ANKRD33B: variants seen among roughly 807,000 people sequenced by gnomAD.
ANKRD33B encodes ankyrin repeat domain-containing protein 33B.
ANKRD33B carries 6 observed loss-of-function variants against 21.5 expected under a neutral mutation model. The observed-to-expected ratio is 0.28, with a 90% CI of 0.15 to 0.55. ANKRD33B has a LOEUF of 0.55. ANKRD33B is among the 20% of genes least tolerant of loss of function. The pLI, the probability that ANKRD33B is intolerant of heterozygous loss-of-function variation, is 0.94. For synonymous variants in ANKRD33B, 347 were observed against 342.4 expected (o/e 1.01, Z -0.15); for missense variants, 698 against 747.2 (o/e 0.93, Z 0.77).
At chr5:10,624,886 G>C in intron 2 of ANKRD33B, 2 of 445,238 alleles carry the variant, frequency 4.5e-6, no homozygotes, top group South Asian at 3.2e-5. Context: ...CTTTGAATAG[G>C]CCTGGGGTGG....
chr5:10,657,319 A>G lies in ANKRD33B; in HGVS notation c.*7206A>G, dbSNP rs1362046583. ...GGGTGTCCAAGGACCTGTGTTTTTA[A>G]CAAAGATGACTTTATGACCGTTCTA... On this transcript the variant is annotated 3_prime_UTR_variant, in exon 4 of 4. Transcript: ENST00000296657. The G allele has an allele frequency of 1.3e-5, 2 of 152,402 alleles. No homozygotes were observed. The allele number at this position is 152,402 out of a possible 1,614,324, so 9.4% of individuals were successfully genotyped here. A position where few individuals can be genotyped will look rare whatever the true frequency, so the allele number is the denominator to read the frequency against.
chr5:10,570,065 C>CG (rs1560958820), intron 1 of ANKRD33B, among the ~76,000 whole-genome samples: 1 of 151,876 alleles, frequency 6.6e-6, no homozygotes, highest in East Asian at 1.9e-4. Context: ...TTAGTAGAGA[C>CG]GGGGTTGCGC....
rs142868191 is a variant in ANKRD33B at position 10,638,107 on chromosome 5, C to A, written c.576C>A (p.Thr192=). ...AAAGGAGGAACGCGTTCGGGTTCAC[C>A]GCCCTGATGAAAGCCGCCATGCAGG... is the stretch of plus-strand genomic sequence containing the variant. ...DLERRNAFGF[T]ALMKAAMQGR... is the part of the protein sequence containing the mutation. The change falls in exon 3 of 4, where the codon ACC becomes ACA. Residue 192 remains threonine (T), a synonymous_variant. Transcript: ENST00000296657. 1,352 of 1,537,498 alleles carry A rather than the reference C, an allele frequency of 8.8e-4. 8 individuals are homozygous for A. The African/African-American group carries it at 0.016, about 18-fold the overall frequency.
rs1443371041 is a variant in ANKRD33B at position 10,587,548 on chromosome 5, A to AT, written c.366+22728dup. Among the ~76,000 whole-genome samples the AT allele has an allele frequency of 4.8e-3, 685 of 143,356 alleles. 5 individuals carry two copies. The highest frequency in any genetic ancestry group is 0.015 in the Middle Eastern group (4 of 274). 94.0% of individuals were successfully genotyped at this position (143,356 alleles called of 152,430 possible). On this transcript the variant is annotated intron_variant, in intron 1 of 3. Transcript: ENST00000296657. ...GGTATTTTATTATTCTTCTGATACA[A>AT]TTTTTTTTTTTTTGGTGTGGAAAAT...
chr5:10,571,213 A>T (rs1417127287), intron 1 of ANKRD33B, among the ~76,000 whole-genome samples: 4 of 151,356 alleles, frequency 2.6e-5, no homozygotes, highest in Admixed American at 2.0e-4. Context: ...TTATTTATTT[A>T]TTTTTTTGAG....
At chr5:10,592,087 T>C (rs1237379956) in intron 1 of ANKRD33B, among the ~76,000 whole-genome samples, 1 of 151,984 alleles carries the variant, frequency 6.6e-6, no homozygotes, top group Non-Finnish European at 1.5e-5. Flanking sequence ...TGTGTGTGTG[T>C]GTGTGTGTGT....
At position 10,564,501 on chromosome 5, in the gene ANKRD33B, G is replaced by A; in HGVS notation, c.34G>A (p.Gly12Ser). 1 of 1,519,856 alleles carries A rather than the reference G, an allele frequency of 6.6e-7. No individual in the cohort carries two copies. The highest frequency in any genetic ancestry group is 8.8e-7 in the Non-Finnish European group (1 of 1,137,990). 94.1% of individuals were successfully genotyped at this position (1,519,856 alleles called of 1,614,324 possible). Residue 12 changes from glycine (G) to serine (S), a missense_variant, in exon 1 of 4, where the codon GGC becomes AGC. Around this residue, in one of 3 missense-constraint regions of ANKRD33B, gnomAD observed 148 missense variants for 154.9 expected, o/e 0.96. Coordinates refer to ENST00000296657, the MANE Select transcript of ANKRD33B (RefSeq NM_001164440.2). ...GCTGGCCGGGACCGGGCCGGAGGGC[G>A]GCGGGGCGCGCTGCATGACCCCACC... is the stretch of plus-strand genomic sequence containing the variant. The part of the protein sequence containing the change: ...VLLAGTGPEG[G>S]GARCMTPPPP...
At chr5:10,572,629 C>T (rs1043938718) in intron 1 of ANKRD33B, among the ~76,000 whole-genome samples, 5 of 152,208 alleles carry the variant, frequency 3.3e-5, no homozygotes, top group Admixed American at 1.3e-4. Context: ...CATGCCGCAG[C>T]GTTAGTGTCA....
At chr5:10,640,554 G>T (rs1386851375) in intron 3 of ANKRD33B, among the ~76,000 whole-genome samples, 1 of 152,234 alleles carries the variant, frequency 6.6e-6, no homozygotes, top group African/African-American at 2.4e-5. Flanking sequence ...GAGAAAATAT[G>T]TGTCAAGCAC....
At chr5:10,589,239 T>A (rs748628357) in intron 1 of ANKRD33B, among the ~76,000 whole-genome samples, 1 of 152,140 alleles carries the variant, frequency 6.6e-6, no homozygotes, top group Non-Finnish European at 1.5e-5. Flanking sequence ...GTTCCCCACC[T>A]GCTGGTCGAA....
At chr5:10,566,935 T>A (rs1488416230) in intron 1 of ANKRD33B, among the ~76,000 whole-genome samples, 2 of 152,266 alleles carry the variant, frequency 1.3e-5, no homozygotes, top group African/African-American at 4.8e-5. Context: ...TGCCTTCTCT[T>A]GGCTTGGAAG....
chr5:10,612,373 T>G (rs1736190362), intron 1 of ANKRD33B, among the ~76,000 whole-genome samples: 1 of 152,250 alleles, frequency 6.6e-6, no homozygotes, highest in South Asian at 2.1e-4. Flanking sequence ...GGCAGCTCTC[T>G]GGGTCCTCTT....
At chr5:10,568,768 C>G (rs1275543996) in intron 1 of ANKRD33B, among the ~76,000 whole-genome samples, 1 of 152,200 alleles carries the variant, frequency 6.6e-6, no homozygotes, top group Non-Finnish European at 1.5e-5. Flanking sequence ...CTCCTGACCT[C>G]AAGTGATCCT....
At chr5:10,635,493 C>T (rs566358222) in intron 2 of ANKRD33B, among the ~76,000 whole-genome samples, 17 of 152,306 alleles carry the variant, frequency 1.1e-4, no homozygotes, top group African/African-American at 3.4e-4. Context: ...CTGTGAGTCA[C>T]GCAGCGAGGG....
At chr5:10,602,045 A>G (rs555127976) in intron 1 of ANKRD33B, among the ~76,000 whole-genome samples, 1 of 152,268 alleles carries the variant, frequency 6.6e-6, no homozygotes, top group East Asian at 1.9e-4. Context: ...TGGGCAAGAC[A>G]AGAAGGTGGG....
intron 2 of ANKRD33B, among the ~76,000 whole-genome samples, chr5:10,629,409 G>C (rs566103415): frequency 6.6e-6 from 1 of 152,322 alleles, no homozygotes; most frequent in African/African-American, 2.4e-5. Flanking sequence ...TTGGGTGAGG[G>C]AGGATGTGGA....
In ANKRD33B at chr5:10,655,109, T is replaced by G. The variant is rs1194755813; in HGVS notation, c.*4996T>G. The stretch of plus-strand genomic sequence containing the variant: ...CTCCTGGGAGCAGGAGAGAGAGAGT[T>G]TGTGATGTTGGTTGGAAAATAGGAT... On this transcript the variant is annotated 3_prime_UTR_variant, in exon 4 of 4. Transcript: ENST00000296657. The G allele has an allele frequency of 2.0e-5, 3 of 152,084 alleles. No individual in the cohort carries two copies. Among genetic ancestry groups the G allele is most frequent in the African/African-American group, 7.3e-5 (3 of 41,350 alleles). The allele number at this position is 152,084 out of a possible 1,614,324, so 9.4% of individuals were successfully genotyped here. A position where few individuals can be genotyped will look rare whatever the true frequency, so the allele number is the denominator to read the frequency against.
rs893564403 is a variant in ANKRD33B, at chr5:10,652,837, A to G, written c.*2724A>G. On this transcript the variant is annotated 3_prime_UTR_variant, in exon 4 of 4. Transcript: ENST00000296657. The surrounding 1 kb of genome is among the most constrained non-coding windows in gnomAD (Gnocchi z 4.1). Reference sequence around the variant, plus strand: ...CCAGTGATGCTCCTGGTGTCCACAAAACAGCTCTAGAGATACCTGCATTTT... The same window carrying G: ...CCAGTGATGCTCCTGGTGTCCACAAGACAGCTCTAGAGATACCTGCATTTT... 6.8e-6 allele frequency: 2 copies of G among 294,238 alleles called. No individual in the cohort carries two copies. Among genetic ancestry groups the G allele is most frequent in the Non-Finnish European group, 1.4e-5 (2 of 141,692 alleles). The allele number at this position is 294,238 out of a possible 1,614,324, so 18.2% of individuals were successfully genotyped here.
intron 2 of ANKRD33B, among the ~76,000 whole-genome samples, chr5:10,629,031 C>T (rs545824366): frequency 2.0e-5 from 3 of 152,004 alleles, no homozygotes; most frequent in South Asian, 2.1e-4. Context: ...AGGGCATTGG[C>T]GGTGAGAGCT....
Sources: allele counts gnomAD v4.1 joint callset (sites outside exome capture counted in the v4.1 genomes callset), GRCh38; gene constraint gnomAD v4.1.1; regional missense constraint gnomAD v4.1.1; non-coding constraint Gnocchi (gnomAD v3.1); transcripts MANE v1.5; gene names NCBI Gene and HGNC (gene_info 2026-07-23, HGNC 2026-07-21).